Variants in FANCD2OS observed in about 807,000 individuals in gnomAD.
FANCD2OS encodes FANCD2 opposite strand.
A neutral mutation model predicts 13.2 loss-of-function variants in FANCD2OS; 11 were observed. The observed-to-expected ratio is 0.83, with a 90% CI of 0.52 to 1.38. The LOEUF is 1.38. Among genes scored for constraint, FANCD2OS ranks in the 40% most tolerant of loss-of-function variants. The pLI is 0.00. For missense variants in FANCD2OS, 217 were observed against 213.9 expected (o/e 1.01, Z -0.09); for synonymous variants, 69 against 84.5 (o/e 0.82, Z 1.01).
rs749410557 is a variant in FANCD2OS, at chr3:10,092,196, C to T, written c.*44-10665G>A. The T allele has an allele frequency of 6.2e-7, 1 of 1,613,890 alleles. No homozygotes were observed. The highest frequency in any genetic ancestry group is 8.5e-7 in the Non-Finnish European group (1 of 1,179,788). On this transcript the variant is annotated intron_variant, in intron 2 of 2. Transcript: ENST00000524279. ...GCTGCCCCAGATTCATGAAGAGAAACTCCTCTACTGGAACATGGCTGTTCG... is the reference window on the plus strand; with the variant it reads ...GCTGCCCCAGATTCATGAAGAGAAATTCCTCTACTGGAACATGGCTGTTCG...
At chr3:10,098,740 A>G (rs745841768), downstream of FANCD2OS, 89 of 1,614,078 alleles carry the variant, frequency 5.5e-5, no homozygotes, top group Admixed American at 1.4e-3. Context: ...TTAAGTCCCA[A>G]AATTCCCAGG....
chr3:10,086,656 A>G (rs1478058424), intron 2 of FANCD2OS, among the ~76,000 whole-genome samples: 3 of 151,864 alleles, frequency 2.0e-5, no homozygotes, highest in Non-Finnish European at 4.4e-5. Flanking sequence ...TAATTTTTAT[A>G]TTTTTGTAGA....
intron 2 of FANCD2OS, among the ~76,000 whole-genome samples, chr3:10,084,638 T>C (rs1223518459): frequency 1.3e-5 from 2 of 152,180 alleles, no homozygotes; most frequent in Non-Finnish European, 2.9e-5. Flanking sequence ...GTATTGTACA[T>C]CAACTATATC....
intron 1 of FANCD2OS, among the ~76,000 whole-genome samples, chr3:10,106,576 G>A (rs1245101474): frequency 6.6e-6 from 1 of 152,026 alleles, no homozygotes; most frequent in Admixed American, 6.6e-5. Context: ...TGAAAATTTT[G>A]ACACCTTCAC....
chr3:10,084,181 A>T (rs1474491303), intron 2 of FANCD2OS, among the ~76,000 whole-genome samples: 1 of 151,634 alleles, frequency 6.6e-6, no homozygotes. Flanking sequence ...TTTAGTAGAG[A>T]CGGGGTTTCA....
At chr3:10,098,919 T>C, downstream of FANCD2OS, 1 of 1,614,224 alleles carries the variant, frequency 6.2e-7, no homozygotes, top group Non-Finnish European at 8.5e-7. Flanking sequence ...TATTGTCAAA[T>C]GCTTCTATGC....
Position 10,104,419 on chromosome 3 carries a change from C to T in FANCD2OS, c.356G>A (p.Arg119Lys). ...AQPPKWTGTF[R>K]VSDKSAFCKI... Reference sequence around the variant, plus strand: ...GCAAAAGGCTGACTTGTCTGAAACTCTGAAAGTCCCGGTCCACTTTGGTGG... The same window carrying T: ...GCAAAAGGCTGACTTGTCTGAAACTTTGAAAGTCCCGGTCCACTTTGGTGG... The change falls in exon 2 of 2, where the codon AGA becomes AAA. Residue 119 changes from arginine (R) to lysine (K), a missense_variant. Physicochemically the swap from Arg to Lys is conservative, Grantham distance 26. Transcript: ENST00000450660. 6.2e-7 allele frequency: 1 copy of T among 1,614,200 alleles called. No homozygotes were observed. The highest frequency in any genetic ancestry group is 8.5e-7 in the Non-Finnish European group (1 of 1,180,042).
At chr3:10,095,331 C>A in intron 2 of FANCD2OS, 1 of 1,361,456 alleles carries the variant, frequency 7.3e-7, no homozygotes, top group Non-Finnish European at 1.0e-6. Context: ...TCTGCAGTTG[C>A]TATTGGGGGA....
chr3:10,092,528 C>T (rs976491565), intron 2 of FANCD2OS, among the ~76,000 whole-genome samples: 1 of 151,416 alleles, frequency 6.6e-6, no homozygotes, highest in African/African-American at 2.4e-5. Context: ...TTCACCTTGC[C>T]TTGGATCCTC....
At chr3:10,095,068 T>A (rs1694870571) in intron 2 of FANCD2OS, 1 of 750,606 alleles carries the variant, frequency 1.3e-6, no homozygotes, top group South Asian at 1.5e-5. Context: ...GAGAGGCAAA[T>A]TAAGATGATT....
exon 3 of FANCD2OS, chr3:10,081,495 A>C (rs762305332): frequency 7.1e-7 from 1 of 1,410,344 alleles, no homozygotes; most frequent in East Asian, 2.3e-5. Context: ...GAGAGAACTG[A>C]GTATATACTT....
At chr3:10,086,627 G>A (rs192333403) in intron 2 of FANCD2OS, among the ~76,000 whole-genome samples, 2 of 151,964 alleles carry the variant, frequency 1.3e-5, no homozygotes, top group Non-Finnish European at 2.9e-5. Flanking sequence ...GATTACAGGC[G>A]CATGCTGACA....
intron 2 of FANCD2OS, chr3:10,081,653 G>A: frequency 1.6e-6 from 1 of 636,732 alleles, no homozygotes; most frequent in Non-Finnish European, 2.8e-6. Context: ...GTCCTTTGGA[G>A]CCACTATGTT....
At chr3:10,093,874 C>T (rs979737089) in intron 2 of FANCD2OS, among the ~76,000 whole-genome samples, 1 of 152,190 alleles carries the variant, frequency 6.6e-6, no homozygotes, top group Non-Finnish European at 1.5e-5. Context: ...TCCACCCTTG[C>T]GCAATGTGGG....
Position 10,088,523 on chromosome 3 carries a change from C to T in FANCD2OS, c.*44-6992G>A, listed in dbSNP as rs1694376599. ...AGAGAAGAGCAACATCTCTAATGAC[C>T]AGCTCCATGCTCTGCTCTGGTGAGA... On this transcript the variant is annotated intron_variant, in intron 2 of 2. Coordinates refer to the FANCD2OS transcript ENST00000524279. The T allele has an allele frequency of 6.2e-7, 1 of 1,605,768 alleles. No individual in the cohort carries two copies. Among genetic ancestry groups the T allele is most frequent in the Non-Finnish European group, 8.5e-7 (1 of 1,172,408 alleles).
At chr3:10,100,708 T>C (rs1283595839), downstream of FANCD2OS, among the ~76,000 whole-genome samples, 1 of 152,126 alleles carries the variant, frequency 6.6e-6, no homozygotes, top group Non-Finnish European at 1.5e-5. Context: ...TCATTCTATA[T>C]CGAATGCCCT....
At chr3:10,084,899 A>C (rs1239328294) in intron 2 of FANCD2OS, among the ~76,000 whole-genome samples, 2 of 152,240 alleles carry the variant, frequency 1.3e-5, no homozygotes, top group Non-Finnish European at 2.9e-5. Context: ...CACTTCTGGC[A>C]GCAGAGTGCA....
chr3:10,101,611 C>A, downstream of FANCD2OS: 1 of 346,142 alleles, frequency 2.9e-6, no homozygotes, highest in South Asian at 3.3e-5. Context: ...TCTCAATCTC[C>A]TGAACTCATG....
intron 2 of FANCD2OS, among the ~76,000 whole-genome samples, chr3:10,090,580 T>G (rs1247782891): frequency 1.3e-5 from 2 of 149,626 alleles, no homozygotes; most frequent in Non-Finnish European, 1.5e-5. Flanking sequence ...TGCCTCAGAC[T>G]CCTGAATAGC....
Sources: allele counts gnomAD v4.1 joint callset (sites outside exome capture counted in the v4.1 genomes callset), GRCh38; gene constraint gnomAD v4.1.1; transcripts MANE v1.5; gene names NCBI Gene and HGNC (gene_info 2026-07-23, HGNC 2026-07-21).